Variants in HS6ST1 observed in about 807,000 individuals in gnomAD.
HS6ST1 encodes the protein heparan sulfate 6-O-sulfotransferase 1, also known as heparan-sulfate 6-O-sulfotransferase 1.
HS6ST1 carries 3 observed loss-of-function variants against 25.2 expected under a neutral mutation model. The observed-to-expected ratio is 0.12, with a 90% CI of 0.05 to 0.31. The LOEUF is 0.31. Among genes scored for constraint, HS6ST1 ranks in the 10% least tolerant of loss-of-function variants. HS6ST1 has a pLI of 1.00. For missense variants in HS6ST1, 310 were observed against 609.6 expected, an observed-to-expected ratio of 0.51 and a Z score of 5.18; for synonymous variants, 204 against 275.1, an observed-to-expected ratio of 0.74 and a Z score of 2.56.
chr2:128,307,982 T>C (rs958401229), intron 1 of HS6ST1, among the ~76,000 whole-genome samples: 2 of 152,216 alleles, frequency 1.3e-5, no homozygotes, highest in Non-Finnish European at 2.9e-5. Context: ...TAAACACGCA[T>C]GTCAGGGACC....
intron 1 of HS6ST1, among the ~76,000 whole-genome samples, chr2:128,306,983 A>G (rs953097483): frequency 1.3e-5 from 2 of 150,026 alleles, no homozygotes; most frequent in Non-Finnish European, 3.0e-5. Context: ...TGACACAGGC[A>G]GGCTTCCCTC....
chr2:128,269,471 C>G (rs963939767), intron 1 of HS6ST1, among the ~76,000 whole-genome samples: 71 of 152,298 alleles, frequency 4.7e-4, no homozygotes, highest in African/African-American at 1.7e-3. Flanking sequence ...GGTGCGTGCA[C>G]AAGGGAGAAA....
At chr2:128,316,095 G>C (rs1694358958) in intron 1 of HS6ST1, among the ~76,000 whole-genome samples, 1 of 152,258 alleles carries the variant, frequency 6.6e-6, no homozygotes, top group Non-Finnish European at 1.5e-5. Flanking sequence ...TGGGCAGGGG[G>C]AGCCGGGCCT....
At chr2:128,303,942 C>G (rs1694169969) in intron 1 of HS6ST1, among the ~76,000 whole-genome samples, 1 of 152,236 alleles carries the variant, frequency 6.6e-6, no homozygotes, top group Non-Finnish European at 1.5e-5. Context: ...CACGCCTCAA[C>G]AGAACAGGAA....
chr2:128,289,600 A>G (rs1426648017), intron 1 of HS6ST1: 1 of 152,242 alleles, frequency 6.6e-6, no homozygotes, highest in Non-Finnish European at 1.5e-5. Context: ...ACAGGTCTCC[A>G]GCTTGCTAAG....
chr2:128,282,490 A>G (rs1400979298), intron 1 of HS6ST1, among the ~76,000 whole-genome samples: 1 of 152,220 alleles, frequency 6.6e-6, no homozygotes, highest in Non-Finnish European at 1.5e-5. Context: ...CTGCGGGTGC[A>G]GAGCTGGGCT....
At chr2:128,282,925 C>T (rs1450872379) in intron 1 of HS6ST1, among the ~76,000 whole-genome samples, 1 of 152,212 alleles carries the variant, frequency 6.6e-6, no homozygotes, top group Non-Finnish European at 1.5e-5. Context: ...ACATCTGGGG[C>T]CTCTGGACCT....
At chr2:128,308,638 T>C (rs2104935549) in intron 1 of HS6ST1, among the ~76,000 whole-genome samples, 1 of 152,292 alleles carries the variant, frequency 6.6e-6, no homozygotes, top group East Asian at 1.9e-4. Flanking sequence ...GACAGCCTTT[T>C]GTCAAATGGG....
chr2:128,278,411 G>A (rs1190699190), intron 1 of HS6ST1, among the ~76,000 whole-genome samples: 1 of 152,184 alleles, frequency 6.6e-6, no homozygotes, highest in Non-Finnish European at 1.5e-5. Flanking sequence ...GGCGAAGGAG[G>A]GGCACAGGAG....
At chr2:128,313,133 G>A (rs1289864127) in intron 1 of HS6ST1, among the ~76,000 whole-genome samples, 1 of 152,192 alleles carries the variant, frequency 6.6e-6, no homozygotes, top group East Asian at 1.9e-4. Flanking sequence ...ACAGACCACA[G>A]GTGGGAGCAT....
intron 1 of HS6ST1, chr2:128,290,170 T>G (rs528037154): frequency 8.5e-4 from 129 of 151,778 alleles, no homozygotes; most frequent in African/African-American, 3.0e-3. Flanking sequence ...TGAGGTTCAC[T>G]TTACTACCAT....
intron 1 of HS6ST1, among the ~76,000 whole-genome samples, chr2:128,281,419 G>A (rs950144182): frequency 6.6e-6 from 1 of 152,354 alleles, no homozygotes; most frequent in Admixed American, 6.5e-5. Context: ...ACGCCCAGGA[G>A]ATGATGTGCA....
intron 1 of HS6ST1, among the ~76,000 whole-genome samples, chr2:128,281,259 G>A (rs181755642): frequency 6.6e-6 from 1 of 152,332 alleles, no homozygotes; most frequent in East Asian, 1.9e-4. Context: ...AGTGTGGCAT[G>A]GGGGGTGGGG....
intron 1 of HS6ST1, among the ~76,000 whole-genome samples, chr2:128,317,327 C>T (rs1694386321): frequency 6.6e-6 from 1 of 152,256 alleles, no homozygotes; most frequent in Non-Finnish European, 1.5e-5. Context: ...CCCAACCTGG[C>T]TGGTAGCTTC....
intron 1 of HS6ST1, among the ~76,000 whole-genome samples, chr2:128,271,548 C>T (rs984628416): frequency 2.0e-5 from 3 of 152,196 alleles, no homozygotes; most frequent in Non-Finnish European, 4.4e-5. Flanking sequence ...CGGGGAAATG[C>T]GAGGGAGGGA....
chr2:128,280,591 C>A (rs1239554088), intron 1 of HS6ST1, among the ~76,000 whole-genome samples: 1 of 152,232 alleles, frequency 6.6e-6, no homozygotes, highest in Non-Finnish European at 1.5e-5. Flanking sequence ...TCATCAAGTT[C>A]TGAGCTGGCG....
intron 1 of HS6ST1, among the ~76,000 whole-genome samples, chr2:128,279,258 C>T (rs1693742871): frequency 6.6e-6 from 1 of 151,740 alleles, no homozygotes; most frequent in Admixed American, 6.6e-5. Flanking sequence ...AATTTTTATA[C>T]CAGTGCCAAC....
chr2:128,286,719 T>C (rs1028443753), intron 1 of HS6ST1, among the ~76,000 whole-genome samples: 5 of 152,230 alleles, frequency 3.3e-5, no homozygotes, highest in African/African-American at 9.6e-5. Flanking sequence ...GTTTAGGAAA[T>C]ACCTCCTCAG....
At chr2:128,269,026 G>T (rs887796816) in intron 1 of HS6ST1, among the ~76,000 whole-genome samples, 156 bp from the exon 2 acceptor site, 10 of 152,316 alleles carry the variant, frequency 6.6e-5, no homozygotes, top group African/African-American at 2.4e-4. Flanking sequence ...TCAAAACCCG[G>T]TATCAGAGAT....
Sources: allele counts gnomAD v4.1 joint callset (sites outside exome capture counted in the v4.1 genomes callset), GRCh38; gene constraint gnomAD v4.1.1; transcripts MANE v1.5; gene names NCBI Gene and HGNC (gene_info 2026-07-23, HGNC 2026-07-21).